The following MARCHF1 variants were observed in gnomAD, a reference collection of about 807,000 sequenced individuals.
MARCHF1 encodes E3 ubiquitin-protein ligase MARCHF1.
In MARCHF1, 40 loss-of-function variants were observed where a neutral mutation model predicts 54.2. That is an observed-to-expected ratio of 0.74 (90% CI 0.57 to 0.96). The LOEUF is 0.96. MARCHF1 is among the 40% of genes least tolerant of loss of function. The probability of loss-of-function intolerance (pLI) is 0.00; values close to 1 mark genes in which losing one functional copy is unlikely to be tolerated. For synonymous variants in MARCHF1, 236 were observed against 236.3 expected, an observed-to-expected ratio of 1.00 and a Z score of 0.01; for missense variants, 586 against 656.5, an observed-to-expected ratio of 0.89 and a Z score of 1.17.
intron 1 of MARCHF1, among the ~76,000 whole-genome samples, chr4:164,322,462 T>C: frequency 6.6e-6 from 1 of 151,936 alleles, no homozygotes; most frequent in Non-Finnish European, 1.5e-5. Context: ...GGTGGTTAAT[T>C]GGTACTCAAA....
chr4:164,285,482 G>C (rs1376014345), intron 1 of MARCHF1, among the ~76,000 whole-genome samples: 1 of 151,406 alleles, frequency 6.6e-6, no homozygotes, highest in African/African-American at 2.4e-5. Context: ...TCGCTCTGTC[G>C]CCCAGGCTGG....
chr4:164,205,846 TAACTGAACTA>T (rs1731591807), intron 1 of MARCHF1, among the ~76,000 whole-genome samples: 1 of 152,174 alleles, frequency 6.6e-6, no homozygotes, highest in South Asian at 2.1e-4. Context: ...AAGGAAAATC[TAACTGAACTA>T]AACAATTTGA....
intron 4 of MARCHF1, among the ~76,000 whole-genome samples, chr4:163,755,801 T>C (rs969099292): frequency 2.0e-5 from 3 of 152,160 alleles, no homozygotes; most frequent in African/African-American, 7.2e-5. Flanking sequence ...TCAATAACAC[T>C]GGTGCTAAAT....
intron 1 of MARCHF1, among the ~76,000 whole-genome samples, chr4:164,341,915 T>G (rs185651521): frequency 6.6e-6 from 1 of 152,306 alleles, no homozygotes. Flanking sequence ...TTCAAAAAAT[T>G]TGTTGCATTC....
chr4:163,976,090 G>T (rs1288002128), intron 3 of MARCHF1, among the ~76,000 whole-genome samples: 1 of 152,178 alleles, frequency 6.6e-6, no homozygotes, highest in African/African-American at 2.4e-5. Flanking sequence ...AATAAAAGTA[G>T]ATCCTAGTTG....
intron 5 of MARCHF1, among the ~76,000 whole-genome samples, chr4:163,618,052 C>T (rs910005127): frequency 1.3e-5 from 2 of 152,158 alleles, no homozygotes; most frequent in East Asian, 3.9e-4. Flanking sequence ...CACAGTGAAT[C>T]AGATAGCATT....
rs149867247 is a variant in MARCHF1 at position 164,124,189 on chromosome 4, A to G, written c.-322-12527T>C. 8.0e-3 allele frequency among the ~76,000 whole-genome samples: 1,224 copies of G among 152,212 alleles called. 12 individuals are homozygous for G. The highest frequency in any genetic ancestry group is 0.041 in the Middle Eastern group (12 of 294). On this transcript the variant is annotated intron_variant, in intron 1 of 9. Coordinates refer to ENST00000514618, the MANE Select transcript of MARCHF1 (RefSeq NM_001394959.1). ...CTGATCATAAGTGAAGTGCAAATCA[A>G]AATTACAATGAAATATAATTTAATT...
chr4:163,559,431 A>G (rs2110970451), intron 8 of MARCHF1, among the ~76,000 whole-genome samples: 1 of 152,280 alleles, frequency 6.6e-6, no homozygotes, highest in African/African-American at 2.4e-5. Context: ...CTTTCGAACT[A>G]AGAAGAAGTC....
chr4:163,882,489 A>G (rs901872727), intron 3 of MARCHF1, among the ~76,000 whole-genome samples: 12 of 152,206 alleles, frequency 7.9e-5, no homozygotes, highest in African/African-American at 2.9e-4. Flanking sequence ...CAAATGTCTA[A>G]ATAATTTACC....
chr4:163,895,576 G>T (rs1332102889), intron 3 of MARCHF1, among the ~76,000 whole-genome samples: 1 of 152,328 alleles, frequency 6.6e-6, no homozygotes, highest in African/African-American at 2.4e-5. Context: ...GGGGCATAGT[G>T]TGGGTGGAGG....
chr4:163,692,148 G>A (rs1037474710), intron 5 of MARCHF1, among the ~76,000 whole-genome samples: 7 of 152,146 alleles, frequency 4.6e-5, no homozygotes, highest in African/African-American at 1.7e-4. Context: ...TGTATTATAA[G>A]TTAACAAAAC....
chr4:164,321,716 A>G (rs983215775), intron 1 of MARCHF1, among the ~76,000 whole-genome samples: 3 of 152,118 alleles, frequency 2.0e-5, no homozygotes, highest in Non-Finnish European at 4.4e-5. Context: ...CTGAGGGTAT[A>G]TTACCCATGT....
chr4:164,043,912 T>C (rs1754184723), intron 2 of MARCHF1, among the ~76,000 whole-genome samples: 2 of 152,214 alleles, frequency 1.3e-5, no homozygotes, highest in African/African-American at 2.4e-5. Context: ...CACAGATTTC[T>C]AGGGCAGGTG....
chr4:163,765,826 A>C (rs1290852009), intron 4 of MARCHF1, among the ~76,000 whole-genome samples: 2 of 41,944 alleles, frequency 4.8e-5, no homozygotes, highest in Non-Finnish European at 1.1e-4. Flanking sequence ...GATTATATAG[A>C]TATAGATATA....
At chr4:163,965,326 T>A (rs4056343) in intron 3 of MARCHF1, among the ~76,000 whole-genome samples, 18,786 of 152,016 alleles carry the variant, frequency 0.12, 1,208 homozygotes, top group African/African-American at 0.15. Flanking sequence ...AGACGTCCAC[T>A]ACTCTGAGCA....
At chr4:164,088,283 G>A (rs1755231046) in intron 2 of MARCHF1, among the ~76,000 whole-genome samples, 1 of 152,144 alleles carries the variant, frequency 6.6e-6, no homozygotes, top group African/African-American at 2.4e-5. Context: ...AGGTTCCCAT[G>A]AGAAGTAAAG....
At chr4:164,207,444 C>T (rs79477094) in intron 1 of MARCHF1, among the ~76,000 whole-genome samples, 1,997 of 152,220 alleles carry the variant, frequency 0.013, 46 homozygotes, top group East Asian at 0.11. Context: ...ATCACCACAA[C>T]AATAAATGTA....
intron 1 of MARCHF1, among the ~76,000 whole-genome samples, chr4:164,252,989 G>A (rs1454697000): frequency 6.6e-6 from 1 of 151,940 alleles, no homozygotes. Flanking sequence ...GTGAAGAGAG[G>A]ACAGCCAAAT....
At chr4:164,256,823 G>A (rs781521159) in intron 1 of MARCHF1, among the ~76,000 whole-genome samples, 13 of 152,096 alleles carry the variant, frequency 8.5e-5, no homozygotes, top group South Asian at 2.1e-4. Flanking sequence ...AACATAAACT[G>A]GTACAGTCCA....
Sources: gnomAD v4.1 joint callset for allele counts (sites outside exome capture counted in the v4.1 genomes callset) on GRCh38, gnomAD v4.1.1 for gene constraint, MANE v1.5 for transcripts, NCBI Gene and HGNC (gene_info 2026-07-23, HGNC 2026-07-21) for gene names.